Variants in HNRNPC observed in about 807,000 individuals in gnomAD.
The protein encoded by HNRNPC is heterogeneous nuclear ribonucleoprotein C.
In HNRNPC, 3 loss-of-function variants were observed where a neutral mutation model predicts 33.2. The ratio of observed to expected loss-of-function variants is 0.09; its 90% CI spans 0.04 to 0.23. The LOEUF is 0.23. Among genes scored for constraint, HNRNPC ranks in the 10% least tolerant of loss-of-function variants. HNRNPC has a pLI of 1.00. For synonymous variants in HNRNPC, 121 were observed against 126.7 expected (o/e 0.96, Z 0.30); for missense variants, 143 against 366.7 (o/e 0.39, Z 4.98).
chr14:21,235,933 A>G (rs1164500424), intron 2 of HNRNPC, among the ~76,000 whole-genome samples: 1 of 152,230 alleles, frequency 6.6e-6, no homozygotes, highest in African/African-American at 2.4e-5. Flanking sequence ...ATCAAACCAC[A>G]GTCCAATGTT....
chr14:21,216,410 T>C (rs1209023576), intron 5 of HNRNPC, among the ~76,000 whole-genome samples: 1 of 152,074 alleles, frequency 6.6e-6, no homozygotes, highest in Non-Finnish European at 1.5e-5. Flanking sequence ...TGTGAACAGA[T>C]TGAAATAATC....
At chr14:21,231,094 G>T in intron 3 of HNRNPC, 22 bp from the exon 4 acceptor site, 1 of 1,594,428 alleles carries the variant, frequency 6.3e-7, no homozygotes, top group Non-Finnish European at 8.6e-7. Context: ...AAGTAAAAAT[G>T]TTAATGACAA....
chr14:21,253,367 C>T (rs1896873939), intron 2 of HNRNPC, among the ~76,000 whole-genome samples: 1 of 146,008 alleles, frequency 6.8e-6, no homozygotes, highest in African/African-American at 2.5e-5. Flanking sequence ...CCAGCTACTC[C>T]AGAGGCTGAG....
At chr14:21,237,090 G>A (rs1193869808) in intron 2 of HNRNPC, among the ~76,000 whole-genome samples, 1 of 152,104 alleles carries the variant, frequency 6.6e-6, no homozygotes, top group African/African-American at 2.4e-5. Flanking sequence ...TCCAATAGTG[G>A]GTGAGCACAA....
At chr14:21,256,455 C>G (rs1468566332) in intron 2 of HNRNPC, among the ~76,000 whole-genome samples, 6 of 147,658 alleles carry the variant, frequency 4.1e-5, no homozygotes, top group Admixed American at 3.4e-4. Flanking sequence ...ATCTCCCCCC[C>G]AAAAAAAAAA....
At chr14:21,226,898 G>GAAAAA (rs751786293) in intron 5 of HNRNPC, among the ~76,000 whole-genome samples, 3,472 of 78,762 alleles carry the variant, frequency 0.044, 108 homozygotes, top group East Asian at 0.092. Flanking sequence ...AAAAAAAAGG[G>GAAAAA]GGGGGGGGGA....
chr14:21,236,045 G>C (rs535556246), intron 2 of HNRNPC, among the ~76,000 whole-genome samples: 1 of 152,202 alleles, frequency 6.6e-6, no homozygotes, highest in African/African-American at 2.4e-5. Flanking sequence ...ATTTTCACAA[G>C]TCTGAGTACA....
intron 5 of HNRNPC, among the ~76,000 whole-genome samples, chr14:21,218,064 C>CT (rs1189761790): frequency 1.3e-5 from 2 of 152,032 alleles, no homozygotes; most frequent in African/African-American, 4.8e-5. Flanking sequence ...CCTGGCTTTT[C>CT]TTGTTTATAT....
rs1282803362 is a variant in HNRNPC, at chr14:21,211,586, GTC to G, written c.638-22_638-21del. 1.3e-6 allele frequency: 2 copies of G among 1,595,044 alleles called. No homozygotes were observed. Among genetic ancestry groups the G allele is most frequent in the East Asian group, 4.5e-5 (2 of 44,048 alleles). The stretch of plus-strand genomic sequence containing the variant: ...TCTCTACTGCGGATGAGAAGGACAA[GTC>G]TGTCTAGGGGCAGTAATGTCCACAG... On this transcript the variant is annotated intron_variant, in intron 7 of 8. Transcript: ENST00000553300.
At chr14:21,230,972 C>G (rs751744618) in intron 4 of HNRNPC, 25 bp downstream of exon 4, 1 of 1,613,698 alleles carries the variant, frequency 6.2e-7, no homozygotes, top group East Asian at 2.2e-5. Flanking sequence ...GTAGAGGGGA[C>G]GGAGAAGGGT....
intron 2 of HNRNPC, among the ~76,000 whole-genome samples, chr14:21,237,197 TC>T (rs1336548192): frequency 6.6e-6 from 1 of 152,138 alleles, no homozygotes; most frequent in African/African-American, 2.4e-5. Context: ...CCACTGCCAA[TC>T]CCCCTTCCTC....
intron 2 of HNRNPC, among the ~76,000 whole-genome samples, chr14:21,239,272 CGA>C (rs913243792): frequency 6.6e-6 from 1 of 151,650 alleles, no homozygotes; most frequent in Non-Finnish European, 1.5e-5. Context: ...GAGGTCAGAA[CGA>C]GACAGTATCC....
intron 5 of HNRNPC, among the ~76,000 whole-genome samples, chr14:21,229,548 A>G (rs886889026): frequency 3.3e-5 from 5 of 152,102 alleles, no homozygotes; most frequent in Admixed American, 2.6e-4. Context: ...TACGTACCAT[A>G]TTCTGTGAGG....
chr14:21,216,703 C>T (rs984624795), intron 5 of HNRNPC, among the ~76,000 whole-genome samples: 6 of 152,036 alleles, frequency 3.9e-5, no homozygotes, highest in Non-Finnish European at 7.4e-5. Flanking sequence ...AGTAAGACTC[C>T]GTCACAAAAC....
intron 2 of HNRNPC, among the ~76,000 whole-genome samples, chr14:21,238,263 T>C (rs1000391594): frequency 6.6e-6 from 1 of 152,196 alleles, no homozygotes; most frequent in African/African-American, 2.4e-5. Flanking sequence ...GCAATAATAG[T>C]CTTTTAAAAA....
intron 5 of HNRNPC, among the ~76,000 whole-genome samples, chr14:21,216,364 C>G (rs1056150705): frequency 3.3e-5 from 5 of 152,064 alleles, no homozygotes; most frequent in African/African-American, 9.7e-5. Context: ...GTACATGGAC[C>G]ATTTAATGGA....
chr14:21,245,837 TATA>T (rs1282867190), intron 2 of HNRNPC, among the ~76,000 whole-genome samples: 1 of 152,076 alleles, frequency 6.6e-6, no homozygotes, highest in African/African-American at 2.4e-5. Context: ...TCAGCTCCAT[TATA>T]ATCTCTTTTA....
chr14:21,225,125 A>C (rs141924555), intron 5 of HNRNPC, among the ~76,000 whole-genome samples: 1 of 152,182 alleles, frequency 6.6e-6, no homozygotes, highest in East Asian at 1.9e-4. Context: ...AGTTCTCCAA[A>C]TAAGAATTAA....
chr14:21,243,038 T>A lies in HNRNPC; in HGVS notation c.-36-8809A>T, dbSNP rs1038416858. Among the ~76,000 whole-genome samples the A allele has an allele frequency of 6.6e-5, 10 of 152,062 alleles. 1 individual carries two copies. The highest frequency in any genetic ancestry group is 6.6e-4 in the Admixed American group (10 of 15,264). On this transcript the variant is annotated intron_variant, in intron 2 of 8. Coordinates refer to ENST00000553300, the MANE Select transcript of HNRNPC (RefSeq NM_004500.4). ...TACTTGGGAGGCTGAGGCAGGAGAA[T>A]TGCTTGAACCCTAGAAGTGGAGGCT...
Sources: allele counts gnomAD v4.1 joint callset (sites outside exome capture counted in the v4.1 genomes callset), GRCh38; gene constraint gnomAD v4.1.1; transcripts MANE v1.5; gene names NCBI Gene and HGNC (gene_info 2026-07-23, HGNC 2026-07-21).